Variants in CHSY3 observed in about 807,000 individuals in gnomAD.
CHSY3 encodes N-acetylgalactosaminyl-proteoglycan 3-beta-glucuronosyltransferase 3.
A neutral mutation model predicts 67.2 loss-of-function variants in CHSY3; 35 were observed. The ratio of observed to expected loss-of-function variants is 0.52; its 90% CI spans 0.40 to 0.69. The LOEUF is 0.69. Ranked by LOEUF, CHSY3 falls within the 30% of genes least tolerant of loss-of-function variation. The pLI is 0.00. For synonymous variants in CHSY3, 474 were observed against 434.7 expected (o/e 1.09, Z -1.12); for missense variants, 1,069 against 1,138.5 (o/e 0.94, Z 0.88).
chr5:129,965,583 T>C (rs185545264), intron 2 of CHSY3, among the ~76,000 whole-genome samples: 3 of 151,958 alleles, frequency 2.0e-5, no homozygotes, highest in Admixed American at 6.6e-5. Flanking sequence ...CTTCTGTGAG[T>C]CATTAAAGAA....
At position 129,908,341 on chromosome 5, in the gene CHSY3, A is replaced by C. The variant is rs1561449349; in HGVS notation, c.1067A>C (p.Gln356Pro). Residue 356 changes from glutamine (Q) to proline (P), a missense_variant, in exon 2 of 3, where the codon CAG becomes CCG. By Grantham distance (76) the Gln-to-Pro change is moderately conservative (BLOSUM62 -1). Around this residue, in one of 5 missense-constraint regions of CHSY3, gnomAD observed 216 missense variants for 311.5 expected, o/e 0.69. Transcript: ENST00000305031. ...GRCVRRFGGT[Q>P]CVWSYEMQQL... ...TGCGTTCGCCGTTTTGGTGGGACTCAGTGTGTCTGGTCTTACGAGGTAAGC... is the reference window on the plus strand; with the variant it reads ...TGCGTTCGCCGTTTTGGTGGGACTCCGTGTGTCTGGTCTTACGAGGTAAGC... 6.2e-7 allele frequency: 1 copy of C among 1,613,868 alleles called. No homozygotes were observed. Among genetic ancestry groups the C allele is most frequent in the Non-Finnish European group, 8.5e-7 (1 of 1,179,858 alleles).
intron 2 of CHSY3, among the ~76,000 whole-genome samples, chr5:130,061,912 G>A (rs1042263103): frequency 1.3e-5 from 2 of 151,956 alleles, no homozygotes; most frequent in Non-Finnish European, 2.9e-5. Context: ...ACAGATATTG[G>A]CATGGATGCA....
chr5:130,065,135 T>G (rs1248569656), intron 2 of CHSY3, among the ~76,000 whole-genome samples: 3 of 152,174 alleles, frequency 2.0e-5, no homozygotes, highest in African/African-American at 7.2e-5. Context: ...ACAGTTAAAT[T>G]TATTTTAAAG....
rs183721619 is a variant in CHSY3 at position 129,915,967 on chromosome 5, T to C, written c.1086+7607T>C. ...CACCACTTTTATAAATAGAGTAGCG[T>C]GGTTTAATTTGGATGTTCCTTAATA... is the stretch of plus-strand genomic sequence containing the variant. On this transcript the variant is annotated intron_variant, in intron 2 of 2. Coordinates refer to ENST00000305031, the MANE Select transcript of CHSY3 (RefSeq NM_175856.5). 6.1e-3 allele frequency among the ~76,000 whole-genome samples: 934 copies of C among 152,272 alleles called. 10 individuals are homozygous for C. Among genetic ancestry groups the C allele is most frequent in the South Asian group, 0.052 (251 of 4,828 alleles).
chr5:130,161,542 A>C (rs1196597593), intron 2 of CHSY3, among the ~76,000 whole-genome samples: 1 of 152,352 alleles, frequency 6.6e-6, no homozygotes, highest in Non-Finnish European at 1.5e-5. Context: ...TAATGTAGAC[A>C]TTAACTTTAA....
At chr5:129,970,866 G>C in intron 2 of CHSY3, among the ~76,000 whole-genome samples, 1 of 151,808 alleles carries the variant, frequency 6.6e-6, no homozygotes, top group East Asian at 1.9e-4. Flanking sequence ...TAACATTGGG[G>C]AAACATGAGT....
chr5:129,991,042 T>C (rs1763348528), intron 2 of CHSY3, among the ~76,000 whole-genome samples: 1 of 152,002 alleles, frequency 6.6e-6, no homozygotes, highest in Non-Finnish European at 1.5e-5. Context: ...AGGTGAGAGA[T>C]CACAAGGAGA....
rs144718088 is a variant in CHSY3 at position 130,050,932 on chromosome 5, C to A, written c.1087-133297C>A. 4.3e-3 allele frequency among the ~76,000 whole-genome samples: 651 copies of A among 152,002 alleles called. 5 individuals carry two copies. The highest frequency in any genetic ancestry group is 0.015 in the African/African-American group (626 of 41,468). ...AATGATTGTGTTAATTGTTATATAC[C>A]CACCTTTGGGCTGTTAATGCAGCTA... On this transcript the variant is annotated intron_variant, in intron 2 of 2. Transcript: ENST00000305031.
At chr5:129,906,597 C>T (rs1760311746) in intron 1 of CHSY3, among the ~76,000 whole-genome samples, 1 of 152,156 alleles carries the variant, frequency 6.6e-6, no homozygotes, top group African/African-American at 2.4e-5. Context: ...CAGAGAATTT[C>T]TAAACTCAGC....
In CHSY3 at chr5:130,185,578, T is replaced by C. The variant is rs1329722836; in HGVS notation, c.2436T>C (p.Asn812=). The C allele has an allele frequency of 1.7e-5, 28 of 1,614,066 alleles. No individual in the cohort carries two copies. The highest frequency in any genetic ancestry group is 2.3e-5 in the Non-Finnish European group (27 of 1,179,978). ...GWGLEDVDLY[N]KVILSGLRPF... is the part of the protein sequence containing the mutation. ...GACTAGAAGATGTAGATCTCTACAA[T>C]AAAGTCATTCTATCTGGCTTAAGGC... is the stretch of plus-strand genomic sequence containing the variant. Residue 812 remains asparagine, a synonymous_variant, in exon 3 of 3, where the codon AAT becomes AAC. Coordinates refer to ENST00000305031, the MANE Select transcript of CHSY3 (RefSeq NM_175856.5).
At chr5:130,126,182 C>T (rs137896710) in intron 2 of CHSY3, among the ~76,000 whole-genome samples, 259 of 151,860 alleles carry the variant, frequency 1.7e-3, no homozygotes, top group African/African-American at 5.9e-3. Flanking sequence ...AACACATGGT[C>T]GGTACTTGAT....
intron 2 of CHSY3, among the ~76,000 whole-genome samples, chr5:130,026,896 C>A (rs534248677): frequency 4.6e-5 from 7 of 151,988 alleles, no homozygotes; most frequent in African/African-American, 1.7e-4. Flanking sequence ...TTTTTCCCAA[C>A]GGCCATGTGT....
intron 2 of CHSY3, among the ~76,000 whole-genome samples, chr5:130,071,746 A>T (rs1766078621): frequency 6.6e-6 from 1 of 152,028 alleles, no homozygotes; most frequent in Admixed American, 6.6e-5. Context: ...GGGACTGCTA[A>T]TTCATATAAT....
At chr5:130,061,392 A>G (rs1765708865) in intron 2 of CHSY3, among the ~76,000 whole-genome samples, 1 of 152,168 alleles carries the variant, frequency 6.6e-6, no homozygotes, top group African/African-American at 2.4e-5. Flanking sequence ...CTTCGCATAT[A>G]CAAAAATTAA....
At chr5:129,994,491 C>T (rs1763469567) in intron 2 of CHSY3, among the ~76,000 whole-genome samples, 1 of 152,076 alleles carries the variant, frequency 6.6e-6, no homozygotes, top group Non-Finnish European at 1.5e-5. Flanking sequence ...CCCTTTCTTC[C>T]AGTTGATCGC....
At chr5:130,066,768 C>T (rs1005789918) in intron 2 of CHSY3, among the ~76,000 whole-genome samples, 3 of 152,050 alleles carry the variant, frequency 2.0e-5, no homozygotes, top group Admixed American at 1.3e-4. Flanking sequence ...CAGGAAAAGG[C>T]GTAAGCTGCA....
At chr5:129,911,526 A>C (rs1395132012) in intron 2 of CHSY3, among the ~76,000 whole-genome samples, 1 of 152,176 alleles carries the variant, frequency 6.6e-6, no homozygotes. Context: ...GTCACATAGT[A>C]AATTTTCAGT....
chr5:129,951,321 G>T (rs1762017626), intron 2 of CHSY3, among the ~76,000 whole-genome samples: 1 of 152,100 alleles, frequency 6.6e-6, no homozygotes, highest in Non-Finnish European at 1.5e-5. Flanking sequence ...AAAGCCCCAT[G>T]ACGTTGGTCT....
At chr5:130,089,459 A>C (rs539331004) in intron 2 of CHSY3, among the ~76,000 whole-genome samples, 1 of 152,252 alleles carries the variant, frequency 6.6e-6, no homozygotes, top group East Asian at 1.9e-4. Flanking sequence ...GCATCAAGTA[A>C]CCAAAGAATT....
Sources: allele counts gnomAD v4.1 joint callset (sites outside exome capture counted in the v4.1 genomes callset), GRCh38; gene constraint gnomAD v4.1.1; regional missense constraint gnomAD v4.1.1; transcripts MANE v1.5; gene names NCBI Gene and HGNC (gene_info 2026-07-23, HGNC 2026-07-21).